The following ASMTL variants were observed in gnomAD, a reference collection of about 807,000 sequenced individuals.
ASMTL encodes acetylserotonin O-methyltransferase like, also known as probable bifunctional dTTP/UTP pyrophosphatase/methyltransferase protein.
In ASMTL, 57 loss-of-function variants were observed where a neutral mutation model predicts 60.3. The observed-to-expected ratio is 0.95, with a 90% confidence interval of 0.76 to 1.18. The LOEUF (loss-of-function observed/expected upper bound fraction) is 1.18. Ranked by LOEUF, ASMTL falls within the 50% of genes most tolerant of loss-of-function variation. The pLI, the probability that ASMTL is intolerant of heterozygous loss-of-function variation, is 0.00. For missense variants in ASMTL, 981 were observed against 852.6 expected (o/e 1.15, Z -1.88); for synonymous variants, 419 against 373.0 (o/e 1.12, Z -1.42).
chrX:1,433,718 C>T (rs1436747949), intron 5 of ASMTL, among the ~76,000 whole-genome samples: 1 of 151,852 alleles, frequency 6.6e-6, no homozygotes, highest in Non-Finnish European at 1.5e-5. Flanking sequence ...GGACAGGGTT[C>T]AGGGAGCTTC....
chrX:1,428,528 T>C (rs1348054158), intron 6 of ASMTL, among the ~76,000 whole-genome samples: 1 of 150,870 alleles, frequency 6.6e-6, no homozygotes, highest in Non-Finnish European at 1.5e-5. Context: ...ACGCCTGTAA[T>C]CCCAGCTACC....
intron 4 of ASMTL, chrX:1,435,488 T>C (rs1255832970): frequency 1.1e-5 from 7 of 638,594 alleles, no homozygotes; most frequent in African/African-American, 1.1e-4. Context: ...CATTCTGGGA[T>C]CAGTGCTGCA....
At chrX:1,417,921 G>A in intron 11 of ASMTL, 52 bp downstream of exon 11, 1 of 1,557,880 alleles carries the variant, frequency 6.4e-7, no homozygotes, top group Non-Finnish European at 8.7e-7. Context: ...TGTCTAGAAA[G>A]AGATGCTGCA....
rs751183415 is a variant in ASMTL at position 1,410,983 on chromosome X, C to T, written c.1645+1749G>A. Among the ~76,000 whole-genome samples, 17 of 151,696 alleles carry T rather than the reference C, an allele frequency of 1.1e-4. No individual in the cohort carries two copies. In the East Asian group the frequency reaches 1.2e-3, roughly 10 times the overall value. On this transcript the variant is annotated intron_variant, in intron 12 of 12. Coordinates refer to ENST00000381317, the MANE Select transcript of ASMTL (RefSeq NM_004192.4). ...GGTGGATCACCCGAGGTTGGGAGTT[C>T]GAGACCAGCCTGACCAACATGGAGA...
chrX:1,440,294 G>C (rs1346652054), intron 2 of ASMTL, among the ~76,000 whole-genome samples: 5 of 152,002 alleles, frequency 3.3e-5, no homozygotes, highest in African/African-American at 1.2e-4. Flanking sequence ...GTTTCACCGT[G>C]TGAGCCAGGA....
At chrX:1,453,072 C>A, upstream of ASMTL, 1 of 523,126 alleles carries the variant, frequency 1.9e-6, no homozygotes. Flanking sequence ...GCCACACCTC[C>A]ATTGCCCTCT....
chrX:1,435,780 G>A (rs1289586182), intron 3 of ASMTL, 22 bp from the exon 4 acceptor site: 4 of 1,610,534 alleles, frequency 2.5e-6, no homozygotes, highest in Middle Eastern at 3.5e-4. Context: ...AGGGACAGAG[G>A]GAGTTGGTTC....
chrX:1,419,950 CTG>C lies in ASMTL; in HGVS notation c.1246-838_1246-837del, dbSNP rs769659156. Among the ~76,000 whole-genome samples the C allele has an allele frequency of 3.4e-3, 511 of 152,298 alleles. 6 individuals are homozygous for C. Among genetic ancestry groups the C allele is most frequent in the African/African-American group, 0.012 (491 of 41,562 alleles). On this transcript the variant is annotated intron_variant, in intron 9 of 12. Transcript: ENST00000381317. ...TCCCTTGGTCTCTGTCTGTCTGTCTCTGTCTCCGTCTGTGTGTCTCTGTCTTC... is the reference window on the plus strand; with the variant it reads ...TCCCTTGGTCTCTGTCTGTCTGTCTCTCTCCGTCTGTGTGTCTCTGTCTTC...
At chrX:1,445,053 A>G (rs1351130938) in intron 1 of ASMTL, among the ~76,000 whole-genome samples, 1 of 151,816 alleles carries the variant, frequency 6.6e-6, no homozygotes, top group Non-Finnish European at 1.5e-5. Context: ...CCCTTTGCCA[A>G]TTCCAACAGG....
chrX:1,421,096 A>G (rs1335661922), intron 9 of ASMTL, among the ~76,000 whole-genome samples: 1 of 151,744 alleles, frequency 6.6e-6, no homozygotes, highest in Non-Finnish European at 1.5e-5. Context: ...AGTAGCTGGG[A>G]CTACAGGCAC....
chrX:1,448,271 A>ACTG (rs2091273341), intron 1 of ASMTL, among the ~76,000 whole-genome samples: 2 of 147,428 alleles, frequency 1.4e-5, no homozygotes, highest in Non-Finnish European at 3.0e-5. Context: ...TTGGACACAC[A>ACTG]ACATCTTGGA....
rs778222542 is a variant in ASMTL, at chrX:1,419,132, C to T, written c.1246-18G>A. On this transcript the variant is annotated intron_variant, in intron 9 of 12. Coordinates refer to ENST00000381317, the MANE Select transcript of ASMTL (RefSeq NM_004192.4). Reference sequence around the variant, plus strand: ...TACGCATCCTGGAACACAGCAGGTGCTTAGGGGCACCAGAGAACACGGGGC... The same window carrying T: ...TACGCATCCTGGAACACAGCAGGTGTTTAGGGGCACCAGAGAACACGGGGC... The T allele has an allele frequency of 1.9e-6, 3 of 1,609,952 alleles. No individual in the cohort carries two copies. The highest frequency in any genetic ancestry group is 3.4e-5 in the Admixed American group (2 of 59,626).
intron 9 of ASMTL, among the ~76,000 whole-genome samples, chrX:1,419,619 C>T (rs1470744755): frequency 6.6e-6 from 1 of 152,052 alleles, no homozygotes; most frequent in Non-Finnish European, 1.5e-5. Context: ...TACCCCGGGT[C>T]CCAGAGGAGC....
chrX:1,433,792 A>G (rs373162574), intron 5 of ASMTL, among the ~76,000 whole-genome samples: 2 of 152,056 alleles, frequency 1.3e-5, no homozygotes, highest in Non-Finnish European at 2.9e-5. Flanking sequence ...GGCTCCATAC[A>G]TCCTGCACCC....
At chrX:1,416,276 CCAA>C (rs2090253654) in intron 11 of ASMTL, among the ~76,000 whole-genome samples, 1 of 148,638 alleles carries the variant, frequency 6.7e-6, no homozygotes, top group Admixed American at 6.7e-5. Context: ...CACAGATACA[CCAA>C]CAGACAGGCA....
At chrX:1,418,607 C>T (rs1406048298) in intron 10 of ASMTL, among the ~76,000 whole-genome samples, 1 of 152,028 alleles carries the variant, frequency 6.6e-6, no homozygotes, top group African/African-American at 2.4e-5. Flanking sequence ...AGAATCGTCC[C>T]AGGCCCCGAT....
At chrX:1,415,698 A>T (rs56091029) in intron 11 of ASMTL, among the ~76,000 whole-genome samples, 102,187 of 151,806 alleles carry the variant, frequency 0.67, 34,778 homozygotes, top group South Asian at 0.84. Flanking sequence ...ACTCCTGACC[A>T]CAGGGGATCC....
intron 1 of ASMTL, 127 bp from the exon 2 acceptor site, chrX:1,442,444 A>G (rs1195707875): frequency 3.7e-6 from 4 of 1,070,996 alleles, no homozygotes; most frequent in Non-Finnish European, 5.5e-6. Context: ...AGGTGAGCTC[A>G]TCCATCCGCC....
intron 2 of ASMTL, chrX:1,441,562 C>T (rs1460934897): frequency 2.0e-5 from 3 of 152,086 alleles, no homozygotes; most frequent in South Asian, 2.1e-4. Context: ...TAGGTATGAG[C>T]CACCGCGACC....
Sources: allele counts gnomAD v4.1 joint callset (sites outside exome capture counted in the v4.1 genomes callset), GRCh38; gene constraint gnomAD v4.1.1; transcripts MANE v1.5; gene names NCBI Gene and HGNC (gene_info 2026-07-23, HGNC 2026-07-21).